Variants in SIPA1L3 observed in about 807,000 individuals in gnomAD.
SIPA1L3 encodes signal-induced proliferation-associated 1-like protein 3.
In SIPA1L3, 59 loss-of-function variants were observed where a neutral mutation model predicts 150.1. The observed-to-expected ratio is 0.39, with a 90% CI of 0.32 to 0.49. SIPA1L3 has a LOEUF of 0.49. SIPA1L3 is among the 20% of genes least tolerant of loss of function. SIPA1L3 has a pLI of 0.86. For missense variants in SIPA1L3, 2,211 were observed against 2,489.5 expected (o/e 0.89, Z 2.38); for synonymous variants, 1,070 against 1,077.6 (o/e 0.99, Z 0.14).
rs1298085949 is a variant in SIPA1L3, at chr19:38,198,514, G to A, written c.4966G>A (p.Ala1656Thr). The stretch of plus-strand genomic sequence containing the variant: ...CCTCGAGTGGTCCAGCCTGGTGAAC[G>A]CAGCCAAGGCATACGAAGGTAGGCG... The part of the protein sequence containing the change: ...AGLEWSSLVN[A>T]AKAYEVQRAV... Residue 1656 changes from alanine (A) to threonine (T), a missense_variant, in exon 19 of 22, where the codon GCA (alanine) becomes ACA (threonine). By Grantham distance (58) the Ala-to-Thr change is moderately conservative (BLOSUM62 0). This residue lies in a region of SIPA1L3 where 806 missense variants were observed against 870.1 expected (regional missense o/e 0.93). Coordinates refer to ENST00000222345, the MANE Select transcript of SIPA1L3 (RefSeq NM_015073.3). The A allele has an allele frequency of 2.0e-5, 32 of 1,574,670 alleles. 1 individual carries two copies. The highest frequency in any genetic ancestry group is 2.5e-5 in the Non-Finnish European group (29 of 1,161,876).
At chr19:37,994,684 C>T (rs1279219269) in intron 1 of SIPA1L3, among the ~76,000 whole-genome samples, 3 of 152,210 alleles carry the variant, frequency 2.0e-5, no homozygotes, top group African/African-American at 4.8e-5. Context: ...CCTTGAGCAG[C>T]TACCTGTGAT....
At chr19:38,035,282 C>A (rs1968754066) in intron 2 of SIPA1L3, among the ~76,000 whole-genome samples, 1 of 152,232 alleles carries the variant, frequency 6.6e-6, no homozygotes, top group Admixed American at 6.5e-5. Context: ...TCCATCCATC[C>A]TTCCAACCAA....
rs145377658 is a variant in SIPA1L3 at position 38,137,121 on chromosome 19, G to A, written c.3144-4063G>A. Among the ~76,000 whole-genome samples, 124 of 152,300 alleles carry A rather than the reference G, an allele frequency of 8.1e-4. 3 individuals carry two copies. The East Asian group carries it at 0.018, about 22-fold the overall frequency. On this transcript the variant is annotated intron_variant, in intron 10 of 21. Coordinates refer to ENST00000222345, the MANE Select transcript of SIPA1L3 (RefSeq NM_015073.3). ...TAGGTGATAACGGGGCTAGAATCTG[G>A]ATCAGCCATCTGGCCCCGCAGCCCT...
chr19:37,939,512 G>T (rs55752822), intron 1 of SIPA1L3, among the ~76,000 whole-genome samples: 8 of 151,866 alleles, frequency 5.3e-5, no homozygotes. Context: ...AAGGAGCCCC[G>T]TAATAGACAG....
intron 1 of SIPA1L3, among the ~76,000 whole-genome samples, chr19:37,921,822 C>T (rs1007787564): frequency 3.3e-5 from 5 of 152,044 alleles, no homozygotes; most frequent in African/African-American, 4.8e-5. Flanking sequence ...TGGCTGGTCT[C>T]GAACTCCTGG....
rs182326013 is a variant in SIPA1L3 at position 37,952,986 on chromosome 19, C to G, written c.-379+45628C>G. On this transcript the variant is annotated intron_variant, in intron 1 of 21. Coordinates refer to ENST00000222345, the MANE Select transcript of SIPA1L3 (RefSeq NM_015073.3). The stretch of plus-strand genomic sequence containing the variant: ...GTGGCTCACGCCTGTAATCCCAGCA[C>G]TTTGGGAGGCCGAGGTGGGTGGATT... Among the ~76,000 whole-genome samples the G allele has an allele frequency of 5.5e-3, 841 of 152,274 alleles. 10 individuals carry two copies. Among genetic ancestry groups the G allele is most frequent in the African/African-American group, 0.019 (783 of 41,540 alleles).
At chr19:38,160,762 A>G (rs1282946145) in intron 13 of SIPA1L3, among the ~76,000 whole-genome samples, 2 of 152,190 alleles carry the variant, frequency 1.3e-5, no homozygotes, top group Admixed American at 6.6e-5. Context: ...CAATTCCACC[A>G]GTAGCACTCT....
At chr19:38,121,650 A>T (rs1279624525) in intron 9 of SIPA1L3, among the ~76,000 whole-genome samples, 1 of 151,708 alleles carries the variant, frequency 6.6e-6, no homozygotes, top group Non-Finnish European at 1.5e-5. Flanking sequence ...GAGGCAGGAG[A>T]ATGGCGTGAA....
chr19:38,144,339 A>G (rs1971660832), intron 12 of SIPA1L3, among the ~76,000 whole-genome samples: 1 of 152,240 alleles, frequency 6.6e-6, no homozygotes, highest in Non-Finnish European at 1.5e-5. Flanking sequence ...AGTCCGACAC[A>G]TGGCTGATCT....
At chr19:37,937,432 T>C (rs957592765) in intron 1 of SIPA1L3, among the ~76,000 whole-genome samples, 1 of 152,074 alleles carries the variant, frequency 6.6e-6, no homozygotes, top group Non-Finnish European at 1.5e-5. Flanking sequence ...TTTAAAAGAA[T>C]GATTTTTGAA....
intron 1 of SIPA1L3, among the ~76,000 whole-genome samples, chr19:37,945,560 C>T (rs1490808971): frequency 6.6e-6 from 1 of 151,898 alleles, no homozygotes; most frequent in Non-Finnish European, 1.5e-5. Context: ...TATTATACAT[C>T]TATGTGAGTA....
At position 38,028,300 on chromosome 19, in the gene SIPA1L3, T is replaced by C. The variant is rs552696054; in HGVS notation, c.-378-789T>C. ...TGAGGAAATGTCCTTAGAATAGCCC[T>C]TCATCTGTCCCCCCTGCCACCGCTT... On this transcript the variant is annotated intron_variant, in intron 1 of 21. Coordinates refer to ENST00000222345, the MANE Select transcript of SIPA1L3 (RefSeq NM_015073.3). 6.6e-4 allele frequency among the ~76,000 whole-genome samples: 100 copies of C among 152,288 alleles called. 2 individuals carry two copies. Among genetic ancestry groups the C allele is most frequent in the African/African-American group, 2.2e-3 (91 of 41,566 alleles).
chr19:38,003,710 T>A (rs1440093339), intron 1 of SIPA1L3, among the ~76,000 whole-genome samples: 11 of 152,214 alleles, frequency 7.2e-5, no homozygotes, highest in African/African-American at 2.4e-4. Flanking sequence ...ACCTGCCATG[T>A]GGCGGTTTCT....
At chr19:37,974,543 G>A (rs1231243093) in intron 1 of SIPA1L3, among the ~76,000 whole-genome samples, 1 of 151,998 alleles carries the variant, frequency 6.6e-6, no homozygotes, top group Non-Finnish European at 1.5e-5. Flanking sequence ...TTGATTCATG[G>A]CAGAGGTGGG....
At chr19:38,170,253 C>T (rs1462478675) in intron 15 of SIPA1L3, among the ~76,000 whole-genome samples, 1 of 152,190 alleles carries the variant, frequency 6.6e-6, no homozygotes, top group Non-Finnish European at 1.5e-5. Context: ...CCATTGGCCT[C>T]CCACAGTCTT....
At chr19:38,157,671 C>T (rs1971980370) in intron 13 of SIPA1L3, among the ~76,000 whole-genome samples, 1 of 152,156 alleles carries the variant, frequency 6.6e-6, no homozygotes, top group Non-Finnish European at 1.5e-5. Context: ...GCCAGCAGGT[C>T]ACCGAGGGCT....
chr19:38,169,712 C>G (rs1972285263), intron 15 of SIPA1L3, among the ~76,000 whole-genome samples: 1 of 152,236 alleles, frequency 6.6e-6, no homozygotes, highest in African/African-American at 2.4e-5. Flanking sequence ...CCCCCCTGGT[C>G]CAAGACCTGT....
chr19:37,950,617 G>C (rs1464955043), intron 1 of SIPA1L3, among the ~76,000 whole-genome samples: 1 of 152,218 alleles, frequency 6.6e-6, no homozygotes, highest in Non-Finnish European at 1.5e-5. Flanking sequence ...CTGATGGCGG[G>C]CTTGGTTCTA....
chr19:38,091,532 T>TG (rs1215213827), intron 4 of SIPA1L3, among the ~76,000 whole-genome samples: 2 of 152,238 alleles, frequency 1.3e-5, no homozygotes. Flanking sequence ...GATTCTAGGG[T>TG]GAAGACCCTG....
Sources: gnomAD v4.1 joint callset for allele counts (sites outside exome capture counted in the v4.1 genomes callset) on GRCh38, gnomAD v4.1.1 for gene constraint, gnomAD v4.1.1 regional missense constraint, MANE v1.5 for transcripts, NCBI Gene and HGNC (gene_info 2026-07-23, HGNC 2026-07-21) for gene names.